ABCA10: variants seen among roughly 807,000 people sequenced by gnomAD.
ABCA10 encodes the protein ATP binding cassette subfamily A member 10, also known as ATP-binding cassette sub-family A member 10.
In ABCA10, 169 loss-of-function variants were observed where a neutral mutation model predicts 187.5. The observed-to-expected ratio is 0.90, with a 90% CI of 0.80 to 1.02. The LOEUF is 1.02. Among genes scored for constraint, ABCA10 ranks in the 50% least tolerant of loss-of-function variants. ABCA10 has a pLI of 0.00. For missense variants in ABCA10, 1,727 were observed against 1,812.4 expected, an observed-to-expected ratio of 0.95 and a Z score of 0.86; for synonymous variants, 574 against 601.8, an observed-to-expected ratio of 0.95 and a Z score of 0.68.
Position 69,216,296 on chromosome 17 carries a change from A to T in ABCA10, c.593T>A (p.Val198Asp). The T allele has an allele frequency of 6.2e-7, 1 of 1,613,410 alleles. No individual in the cohort carries two copies. Among genetic ancestry groups the T allele is most frequent in the Non-Finnish European group, 8.5e-7 (1 of 1,179,494 alleles). ...AAATACAATTGGGATTGATGTTATGACCAGAGCCATAAAAATGGACATAAT... is the reference window on the plus strand; with the variant it reads ...AAATACAATTGGGATTGATGTTATGTCCAGAGCCATAAAAATGGACATAAT... Reference protein sequence around the residue: ...IFIMSIFMALVITSIPIVFHT... With the variant: ...IFIMSIFMALDITSIPIVFHT... The change falls in exon 7 of 39, where the codon GTC becomes GAC. Residue 198 changes from valine (V) to aspartate (D), a missense_variant. Transcript: ENST00000690296.
rs1323399373 is a variant in ABCA10 at position 69,225,434 on chromosome 17, C to T, written c.-76G>A. 1 of 1,524,482 alleles carries T rather than the reference C, an allele frequency of 6.6e-7. No homozygotes were observed. The highest frequency in any genetic ancestry group is 2.3e-5 in the East Asian group (1 of 44,174). 94.4% of individuals were successfully genotyped at this position (1,524,482 alleles called of 1,614,324 possible). A position where few individuals can be genotyped will look rare whatever the true frequency, so the allele number is the denominator to read the frequency against. ...AGTCATTAAACTGATCCACGCTTCC[C>T]AGGACTTTAGGAGGTTGTTCAGGAA... On this transcript the variant is annotated 5_prime_UTR_variant, in exon 3 of 39. Coordinates refer to ENST00000690296, the MANE Select transcript of ABCA10 (RefSeq NM_001377321.1).
intron 27 of ABCA10, among the ~76,000 whole-genome samples, chr17:69,163,125 C>T (rs2074230962): frequency 6.6e-6 from 1 of 152,146 alleles, no homozygotes; most frequent in Admixed American, 6.6e-5. Context: ...GCGTGAGTCA[C>T]TGCGCCTGGC....
intron 9 of ABCA10, among the ~76,000 whole-genome samples, chr17:69,207,157 C>T (rs1388840831): frequency 6.6e-6 from 1 of 152,164 alleles, no homozygotes; most frequent in Non-Finnish European, 1.5e-5. Flanking sequence ...CATCACTAAT[C>T]ATCAGGGAAA....
chr17:69,193,397 C>A, intron 14 of ABCA10, 96 bp downstream of exon 14: 1 of 1,506,340 alleles, frequency 6.6e-7, no homozygotes. Context: ...TATAAATTTT[C>A]CCTCACATTT....
chr17:69,212,275 T>C (rs1183821693), intron 9 of ABCA10, among the ~76,000 whole-genome samples: 1 of 152,190 alleles, frequency 6.6e-6, no homozygotes, highest in Non-Finnish European at 1.5e-5. Flanking sequence ...TTTCTGTGTG[T>C]TTGCATGGTT....
At chr17:69,186,896 T>C (rs1016384430) in intron 19 of ABCA10, among the ~76,000 whole-genome samples, 1 of 152,146 alleles carries the variant, frequency 6.6e-6, no homozygotes, top group African/African-American at 2.4e-5. Flanking sequence ...TCTGTGCCTT[T>C]TGTGTTCACT....
At chr17:69,195,548 G>GTTTTTTTT (rs1205226652) in intron 11 of ABCA10, among the ~76,000 whole-genome samples, 2 of 35,072 alleles carry the variant, frequency 5.7e-5, no homozygotes, top group African/African-American at 2.7e-4. Context: ...AAACAATGAA[G>GTTTTTTTT]TTTTTCTTTT....
chr17:69,149,040 A>G lies in ABCA10; in HGVS notation c.4526T>C (p.Leu1509Ser). The change falls in exon 38 of 39, where the codon TTG becomes TCG. Residue 1509 changes from leucine (L) to serine (S), a missense_variant. By Grantham distance (145) the Leu-to-Ser change is moderately radical. Coordinates refer to ENST00000690296, the MANE Select transcript of ABCA10 (RefSeq NM_001377321.1). ...LEEYSLSQATLEQVFLELCKE... is the reference protein window; with the variant it reads ...LEEYSLSQATSEQVFLELCKE... Reference sequence around the variant, plus strand: ...CGTTCAATGAAAACCCACCTGCTCCAAGGTAGCCTGAGAGAGGCTGTATTC... The same window carrying G: ...CGTTCAATGAAAACCCACCTGCTCCGAGGTAGCCTGAGAGAGGCTGTATTC... The G allele has an allele frequency of 6.2e-7, 1 of 1,612,796 alleles. No homozygotes were observed. Among genetic ancestry groups the G allele is most frequent in the Non-Finnish European group, 8.5e-7 (1 of 1,179,712 alleles).
At chr17:69,194,224 C>A (rs377063624) in intron 12 of ABCA10, among the ~76,000 whole-genome samples, 161 bp downstream of exon 12, 1 of 152,132 alleles carries the variant, frequency 6.6e-6, no homozygotes, top group Non-Finnish European at 1.5e-5. Context: ...AATAGAGATA[C>A]AAATGTTTTC....
chr17:69,197,134 T>C lies in ABCA10; in HGVS notation c.1176-12A>G, dbSNP rs1242950557. The stretch of plus-strand genomic sequence containing the variant: ...TAACATTTCTGATTCTGAAAGAAGA[T>C]GAAGTAATTTTCATGTAAATGCATT... On this transcript the variant is annotated splice_polypyrimidine_tract_variant and intron_variant, in intron 10 of 38. Coordinates refer to ENST00000690296, the MANE Select transcript of ABCA10 (RefSeq NM_001377321.1). 2 of 1,569,376 alleles carry C rather than the reference T, an allele frequency of 1.3e-6. No individual in the cohort carries two copies. The highest frequency in any genetic ancestry group is 1.1e-5 in the South Asian group (1 of 89,336).
At chr17:69,214,638 ATAT>A in intron 9 of ABCA10, 63 bp downstream of exon 9, 1 of 1,280,498 alleles carries the variant, frequency 7.8e-7, no homozygotes, top group Non-Finnish European at 1.0e-6. Flanking sequence ...AAATAAACAG[ATAT>A]TAATACATGT....
intron 1 of ABCA10, among the ~76,000 whole-genome samples, chr17:69,238,822 A>T (rs2144868188): frequency 6.6e-6 from 1 of 152,336 alleles, no homozygotes; most frequent in South Asian, 2.1e-4. Context: ...TCCAGAAACC[A>T]GAGAGGACTC....
chr17:69,193,645 A>G, intron 13 of ABCA10, 33 bp from the exon 14 acceptor site: 1 of 1,569,970 alleles, frequency 6.4e-7, no homozygotes, highest in Non-Finnish European at 8.6e-7. Flanking sequence ...AACAATATCA[A>G]ATATTTTACT....
intron 28 of ABCA10, among the ~76,000 whole-genome samples, chr17:69,156,497 T>C (rs747165225): frequency 3.3e-5 from 5 of 152,160 alleles, no homozygotes; most frequent in Non-Finnish European, 7.3e-5. Flanking sequence ...AAGTGTTGGG[T>C]AGTAAATCCA....
Position 69,155,929 on chromosome 17 carries a change from C to T in ABCA10, c.3456-4G>A, listed in dbSNP as rs758779577. On this transcript the variant is annotated splice_polypyrimidine_tract_variant and splice_region_variant and intron_variant, in intron 28 of 38. Coordinates refer to ENST00000690296, the MANE Select transcript of ABCA10 (RefSeq NM_001377321.1). ...TTCTCTACTCCGTGGAGAGATTCTA[C>T]AGAGGAAATAAAATAACATAAAAAT... 3.7e-6 allele frequency: 6 copies of T among 1,609,358 alleles called. No homozygotes were observed. The South Asian group carries it at 6.7e-5, about 18-fold the overall frequency.
At position 69,197,044 on chromosome 17, in the gene ABCA10, G is replaced by A; in HGVS notation, c.1234+20C>T. 6.5e-7 allele frequency: 1 copy of A among 1,547,474 alleles called. No individual in the cohort carries two copies. Among genetic ancestry groups the A allele is most frequent in the African/African-American group, 1.4e-5 (1 of 73,556 alleles). On this transcript the variant is annotated intron_variant, in intron 11 of 38. Transcript: ENST00000690296. ...AGGGGGAGAGGGAGAGGGAGAGGGA[G>A]AGGGAGTTTTTCTTTTTACCTTGCA...
chr17:69,242,504 G>A (rs577727301), intron 1 of ABCA10, among the ~76,000 whole-genome samples: 4 of 152,178 alleles, frequency 2.6e-5, no homozygotes, highest in East Asian at 3.9e-4. Context: ...TCGCTCTGCC[G>A]CCCAGGCTGG....
In ABCA10 at chr17:69,152,066, G is replaced by C. The variant is rs2074133001; in HGVS notation, c.4374C>G (p.Phe1458Leu). ...ACCTTTCCTGCCAAGCAGCCTGTGGGAAAAGCTTCAAAATCTCTGTGTGGA... is the reference window on the plus strand; with the variant it reads ...ACCTTTCCTGCCAAGCAGCCTGTGGCAAAAGCTTCAAAATCTCTGTGTGGA... ...EALHTEILKLFPQAAWQERYS... is the reference protein window; with the variant it reads ...EALHTEILKLLPQAAWQERYS... Residue 1458 changes from phenylalanine to leucine, a missense_variant, in exon 36 of 39, where the codon TTC (phenylalanine) becomes TTG (leucine). Physicochemically the swap from Phe to Leu is conservative, Grantham distance 22 (BLOSUM62 0). Transcript: ENST00000690296. The C allele has an allele frequency of 6.2e-7, 1 of 1,611,078 alleles. No homozygotes were observed. The highest frequency in any genetic ancestry group is 8.5e-7 in the Non-Finnish European group (1 of 1,179,418).
At chr17:69,238,176 AT>A (rs1222394481) in intron 1 of ABCA10, among the ~76,000 whole-genome samples, 16 of 135,220 alleles carry the variant, frequency 1.2e-4, no homozygotes, top group African/African-American at 3.9e-4. Flanking sequence ...AAAAAAAAAA[AT>A]TTCCAGCAAC....
Sources: gnomAD v4.1 joint callset for allele counts (sites outside exome capture counted in the v4.1 genomes callset) on GRCh38, gnomAD v4.1.1 for gene constraint, MANE v1.5 for transcripts, NCBI Gene and HGNC (gene_info 2026-07-23, HGNC 2026-07-21) for gene names.